DLC1: variants seen among roughly 807,000 people sequenced by gnomAD.
DLC1 encodes DLC1 Rho GTPase activating protein, also known as rho GTPase-activating protein 7.
In DLC1, 54 loss-of-function variants were observed where a neutral mutation model predicts 140.3. The observed-to-expected ratio is 0.38, with a 90% CI of 0.31 to 0.48. The LOEUF is 0.48. Ranked by LOEUF, DLC1 falls within the 20% of genes least tolerant of loss-of-function variation. The pLI, the probability that DLC1 is intolerant of heterozygous loss-of-function variation, is 0.96. For missense variants in DLC1, 2,536 were observed against 1,907.0 expected, an observed-to-expected ratio of 1.33 and a Z score of -6.14; for synonymous variants, 986 against 728.1, an observed-to-expected ratio of 1.35 and a Z score of -5.70.
chr8:13,174,371 G>A (rs1825652490), intron 5 of DLC1, among the ~76,000 whole-genome samples: 1 of 152,104 alleles, frequency 6.6e-6, no homozygotes. Context: ...TTTCCTCTGG[G>A]TATATACCCA....
In DLC1 at chr8:13,179,962, A is replaced by G. The variant is rs1431744526; in HGVS notation, c.1349-64305T>C. Reference sequence around the variant, plus strand: ...ACCTCTTCAAATAGGCATACTTGGTATGCCTATTTGATTTAATTCTCTTTA... The same window carrying G: ...ACCTCTTCAAATAGGCATACTTGGTGTGCCTATTTGATTTAATTCTCTTTA... On this transcript the variant is annotated intron_variant, in intron 5 of 17. Transcript: ENST00000276297. Among the ~76,000 whole-genome samples, 9 of 152,282 alleles carry G rather than the reference A, an allele frequency of 5.9e-5. No homozygotes were observed. The East Asian group carries it at 1.7e-3, about 29-fold the overall frequency.
At chr8:13,148,982 C>T (rs140390808) in intron 5 of DLC1, among the ~76,000 whole-genome samples, 5,331 of 152,096 alleles carry the variant, frequency 0.035, 110 homozygotes, top group African/African-American at 0.046. Context: ...TTAGTAGAGA[C>T]AGGGTTTCTC....
At chr8:13,135,692 A>G (rs1455885271) in intron 5 of DLC1, among the ~76,000 whole-genome samples, 1 of 152,164 alleles carries the variant, frequency 6.6e-6, no homozygotes, top group Non-Finnish European at 1.5e-5. Flanking sequence ...AGTTCTTAAT[A>G]TTTTTTGTTT....
chr8:13,333,662 C>T (rs1330530823), intron 4 of DLC1, among the ~76,000 whole-genome samples: 1 of 152,120 alleles, frequency 6.6e-6, no homozygotes, highest in Admixed American at 6.5e-5. Context: ...TCACCCGCCC[C>T]CTTATTTAAA....
At chr8:13,507,597 T>TCA (rs778375092) in intron 1 of DLC1, among the ~76,000 whole-genome samples, 34 of 152,192 alleles carry the variant, frequency 2.2e-4, no homozygotes, top group Non-Finnish European at 4.7e-4. Flanking sequence ...CCACACAAAA[T>TCA]CATTATTCCT....
intron 2 of DLC1, among the ~76,000 whole-genome samples, chr8:13,479,561 G>A (rs1800587891): frequency 6.6e-6 from 1 of 152,026 alleles, no homozygotes; most frequent in East Asian, 1.9e-4. Context: ...TTAACATTAG[G>A]TTGCATCCAA....
chr8:13,601,318 T>G (rs1805875199), intron 1 of DLC1, among the ~76,000 whole-genome samples: 1 of 151,812 alleles, frequency 6.6e-6, no homozygotes, highest in Non-Finnish European at 1.5e-5. Flanking sequence ...AGATGCTATC[T>G]TATACTTCAG....
At chr8:13,292,097 T>G (rs1185023599) in intron 5 of DLC1, among the ~76,000 whole-genome samples, 1 of 152,220 alleles carries the variant, frequency 6.6e-6, no homozygotes, top group Non-Finnish European at 1.5e-5. Context: ...GATCTGCAGT[T>G]TTTTTGTTTT....
intron 2 of DLC1, among the ~76,000 whole-genome samples, chr8:13,451,065 A>AAAAAAAAAAAG (rs1185222751): frequency 6.8e-6 from 1 of 147,806 alleles, no homozygotes. Flanking sequence ...AAAAAAAAAA[A>AAAAAAAAAAAG]AAAGAAAAAA....
intron 5 of DLC1, among the ~76,000 whole-genome samples, chr8:13,247,642 T>C (rs577962323): frequency 5.2e-4 from 79 of 152,266 alleles, no homozygotes; most frequent in African/African-American, 1.7e-3. Flanking sequence ...ATGCTCTCAA[T>C]TGTCGCATGA....
At chr8:13,419,361 T>C (rs946416407) in intron 2 of DLC1, among the ~76,000 whole-genome samples, 2 of 152,152 alleles carry the variant, frequency 1.3e-5, no homozygotes, top group Admixed American at 6.6e-5. Context: ...TTGTCATAGA[T>C]AGCTCTTATT....
intron 5 of DLC1, among the ~76,000 whole-genome samples, chr8:13,151,002 C>G (rs1275338037): frequency 6.6e-6 from 1 of 152,154 alleles, no homozygotes; most frequent in Non-Finnish European, 1.5e-5. Context: ...TAAGAGATGT[C>G]TACAGATGGA....
chr8:13,315,352 C>T (rs1156278846), intron 4 of DLC1, among the ~76,000 whole-genome samples: 2 of 152,210 alleles, frequency 1.3e-5, no homozygotes, highest in Non-Finnish European at 2.9e-5. Flanking sequence ...AATAGCCAAA[C>T]ATTTGGTGCT....
chr8:13,528,178 AAAG>A (rs1802980300), intron 1 of DLC1, among the ~76,000 whole-genome samples: 2 of 152,164 alleles, frequency 1.3e-5, no homozygotes, highest in Non-Finnish European at 2.9e-5. Flanking sequence ...AAACTCTTAA[AAAG>A]TTCAGTGTTC....
At chr8:13,319,082 C>G (rs561341621) in intron 4 of DLC1, among the ~76,000 whole-genome samples, 1 of 152,150 alleles carries the variant, frequency 6.6e-6, no homozygotes, top group Non-Finnish European at 1.5e-5. Flanking sequence ...GTGATGCTAA[C>G]GGGTCTATTT....
chr8:13,358,453 G>A (rs1342520618), intron 4 of DLC1, among the ~76,000 whole-genome samples: 1 of 152,108 alleles, frequency 6.6e-6, no homozygotes, highest in Non-Finnish European at 1.5e-5. Context: ...GATTACTCTG[G>A]CTAAGTATTT....
At chr8:13,250,504 G>C (rs982926093) in intron 5 of DLC1, among the ~76,000 whole-genome samples, 1 of 152,172 alleles carries the variant, frequency 6.6e-6, no homozygotes, top group Admixed American at 6.5e-5. Context: ...CTGGAGTAAA[G>C]TACTTACTTT....
At chr8:13,549,498 A>T (rs188728714) in intron 1 of DLC1, among the ~76,000 whole-genome samples, 2 of 152,258 alleles carry the variant, frequency 1.3e-5, no homozygotes, top group East Asian at 1.9e-4. Context: ...CCACATTTTC[A>T]TGAAATACCC....
intron 5 of DLC1, among the ~76,000 whole-genome samples, chr8:13,227,983 C>T (rs1343086681): frequency 1.3e-5 from 2 of 151,988 alleles, no homozygotes; most frequent in African/African-American, 4.8e-5. Flanking sequence ...ATCACCTGTC[C>T]CACTCTGCCT....
Sources: allele counts gnomAD v4.1 joint callset (sites outside exome capture counted in the v4.1 genomes callset), GRCh38; gene constraint gnomAD v4.1.1; transcripts MANE v1.5; gene names NCBI Gene and HGNC (gene_info 2026-07-23, HGNC 2026-07-21).